Variants in FHOD3 observed in about 807,000 individuals in gnomAD.
The protein encoded by FHOD3 is formin homology 2 domain containing 3, also known as FH1/FH2 domain-containing protein 3.
In FHOD3, 90 loss-of-function variants were observed where a neutral mutation model predicts 173.0. The ratio of observed to expected loss-of-function variants is 0.52; its 90% CI spans 0.44 to 0.62. FHOD3 has a LOEUF of 0.62. FHOD3 is among the 20% of genes least tolerant of loss of function. The pLI is 0.00. For synonymous variants in FHOD3, 828 were observed against 823.0 expected (o/e 1.01, Z -0.10); for missense variants, 1,945 against 2,034.7 (o/e 0.96, Z 0.85).
chr18:36,764,069 T>C (rs2043037793), intron 27 of FHOD3, among the ~76,000 whole-genome samples: 1 of 152,144 alleles, frequency 6.6e-6, no homozygotes, highest in African/African-American at 2.4e-5. Context: ...AACCCTGATT[T>C]TATGTGGGAT....
In FHOD3 at chr18:36,769,373, G is replaced by A; in HGVS notation, c.4733G>A (p.Ser1578Asn). 3 of 1,614,176 alleles carry A rather than the reference G, an allele frequency of 1.9e-6. No individual in the cohort carries two copies. The highest frequency in any genetic ancestry group is 2.5e-6 in the Non-Finnish European group (3 of 1,180,038). ...RIVKSATQVPSQRVVPRERKR... is the reference protein window; with the variant it reads ...RIVKSATQVPNQRVVPRERKR... ...GTCAAGTCAGCCACCCAAGTGCCCA[G>A]TCAGCGAGTGGTGCCGAGGGAGAGG... The change falls in exon 28 of 29, where the codon AGT (serine) becomes AAT (asparagine). Residue 1578 changes from serine to asparagine, a missense_variant. Ser to Asn is a conservative substitution (Grantham distance 46). Coordinates refer to ENST00000590592, the MANE Select transcript of FHOD3 (RefSeq NM_001281740.3).
intron 3 of FHOD3, among the ~76,000 whole-genome samples, chr18:36,414,472 G>A (rs1423462940): frequency 1.3e-5 from 2 of 152,184 alleles, no homozygotes; most frequent in African/African-American, 2.4e-5. Flanking sequence ...GAGTTCCAGA[G>A]CCAAAGGTGG....
At chr18:36,482,455 C>CA (rs1490409859) in intron 3 of FHOD3, among the ~76,000 whole-genome samples, 1 of 151,888 alleles carries the variant, frequency 6.6e-6, no homozygotes, top group African/African-American at 2.4e-5. Context: ...GCGTGACCCC[C>CA]CCGCCCCGCA....
At position 36,649,361 on chromosome 18, in the gene FHOD3, C is replaced by G; in HGVS notation, c.1242C>G (p.Ser414=). Residue 414 remains serine (S), a synonymous_variant, in exon 11 of 29, where the codon TCC becomes TCG. Coordinates refer to ENST00000590592, the MANE Select transcript of FHOD3 (RefSeq NM_001281740.3). ...EEEQPITEPS[S]EEEREDDASC... ...AGCAGCCAATCACGGAGCCCAGTTCCGAAGAAGAGAGAGAGGATGATGCTT... is the reference window on the plus strand; with the variant it reads ...AGCAGCCAATCACGGAGCCCAGTTCGGAAGAAGAGAGAGAGGATGATGCTT... 3.9e-6 allele frequency: 6 copies of G among 1,535,740 alleles called. No individual in the cohort carries two copies. The highest frequency in any genetic ancestry group is 3.5e-6 in the Non-Finnish European group (4 of 1,146,704).
At chr18:36,746,166 C>T (rs1399892540) in intron 23 of FHOD3, among the ~76,000 whole-genome samples, 2 of 152,154 alleles carry the variant, frequency 1.3e-5, no homozygotes, top group Non-Finnish European at 2.9e-5. Context: ...TCCAGCCTGT[C>T]TGCACGTCCC....
intron 5 of FHOD3, among the ~76,000 whole-genome samples, chr18:36,522,280 G>A (rs998560284): frequency 6.6e-6 from 1 of 152,234 alleles, no homozygotes; most frequent in Non-Finnish European, 1.5e-5. Context: ...GTCACTACTT[G>A]TGAGAAAGCT....
chr18:36,497,060 G>C (rs1314820444), intron 3 of FHOD3, among the ~76,000 whole-genome samples: 1 of 152,180 alleles, frequency 6.6e-6, no homozygotes, highest in East Asian at 1.9e-4. Context: ...TGCAAAGTCT[G>C]TAGTGAGAAT....
Position 36,747,009 on chromosome 18 carries a change from A to G in FHOD3, c.4106A>G (p.Asp1369Gly). Residue 1369 changes from aspartate (D) to glycine (G), a missense_variant, in exon 24 of 29, where the codon GAT (aspartate) becomes GGT (glycine). By Grantham distance (94) the Asp-to-Gly change is moderately conservative. Transcript: ENST00000590592. ...QMERRCKASW[D>G]HLKAIAKHEM... ...GAGAGAAGATGCAAAGCTTCATGGG[A>G]TCACCTCAAGGCAATTGCAAAACAT... 6.2e-7 allele frequency: 1 copy of G among 1,613,682 alleles called. No homozygotes were observed. The highest frequency in any genetic ancestry group is 2.2e-5 in the East Asian group (1 of 44,870).
intron 5 of FHOD3, among the ~76,000 whole-genome samples, chr18:36,513,558 A>G (rs1228777979): frequency 6.6e-6 from 1 of 152,196 alleles, no homozygotes; most frequent in African/African-American, 2.4e-5. Context: ...AATGAAAATC[A>G]TACATGAAAA....
At chr18:36,664,090 A>C (rs2036991827) in intron 14 of FHOD3, among the ~76,000 whole-genome samples, 1 of 152,216 alleles carries the variant, frequency 6.6e-6, no homozygotes, top group African/African-American at 2.4e-5. Flanking sequence ...ATACTTAAAA[A>C]AAAATTGTCA....
At chr18:36,414,406 A>G (rs2049516812) in intron 3 of FHOD3, among the ~76,000 whole-genome samples, 1 of 152,228 alleles carries the variant, frequency 6.6e-6, no homozygotes, top group South Asian at 2.1e-4. Context: ...CAGAGTGCAT[A>G]AAGGACACGT....
At chr18:36,715,331 C>T (rs1187626709) in intron 18 of FHOD3, among the ~76,000 whole-genome samples, 2 of 152,224 alleles carry the variant, frequency 1.3e-5, no homozygotes, top group Non-Finnish European at 2.9e-5. Flanking sequence ...TCTTCTCTCT[C>T]CTGCCACCAC....
chr18:36,630,195 C>CT (rs1467377507), intron 10 of FHOD3, among the ~76,000 whole-genome samples: 1 of 151,988 alleles, frequency 6.6e-6, no homozygotes, highest in African/African-American at 2.4e-5. Context: ...AAAATTGACT[C>CT]TTTTTCAGAG....
chr18:36,655,693 A>G (rs1495900), intron 13 of FHOD3, among the ~76,000 whole-genome samples: 41,476 of 151,868 alleles, frequency 0.27, 5,892 homozygotes, highest in South Asian at 0.42. Context: ...CTGCGATTGA[A>G]TGGGTTATAA....
chr18:36,402,347 A>G (rs562047228), intron 3 of FHOD3, among the ~76,000 whole-genome samples: 21 of 152,162 alleles, frequency 1.4e-4, no homozygotes, highest in Non-Finnish European at 2.8e-4. Flanking sequence ...ATCTTGATCT[A>G]TATCCCTTAT....
intron 9 of FHOD3, among the ~76,000 whole-genome samples, chr18:36,614,486 T>TA (rs1200378760): frequency 6.6e-6 from 1 of 152,220 alleles, no homozygotes; most frequent in Non-Finnish European, 1.5e-5. Flanking sequence ...TTTGTGTACA[T>TA]ACGTTTTCAG....
intron 17 of FHOD3, among the ~76,000 whole-genome samples, chr18:36,700,359 A>G (rs560845058): frequency 2.0e-5 from 3 of 152,250 alleles, no homozygotes; most frequent in Admixed American, 6.5e-5. Flanking sequence ...GGTGATGTCT[A>G]TCTCTCATCC....
intron 5 of FHOD3, among the ~76,000 whole-genome samples, chr18:36,542,619 A>C (rs1374414922): frequency 6.6e-6 from 1 of 152,230 alleles, no homozygotes; most frequent in Non-Finnish European, 1.5e-5. Flanking sequence ...TATGTTGGAA[A>C]ACAGTTACTA....
chr18:36,633,238 A>G, intron 10 of FHOD3, among the ~76,000 whole-genome samples: 1 of 152,234 alleles, frequency 6.6e-6, no homozygotes, highest in Non-Finnish European at 1.5e-5. Flanking sequence ...CCAATCACCC[A>G]ACTTCTCAGA....
Sources: allele counts gnomAD v4.1 joint callset (sites outside exome capture counted in the v4.1 genomes callset), GRCh38; gene constraint gnomAD v4.1.1; transcripts MANE v1.5; gene names NCBI Gene and HGNC (gene_info 2026-07-23, HGNC 2026-07-21).